The following FNDC3B variants were observed in gnomAD, a reference collection of about 807,000 sequenced individuals.
The protein encoded by FNDC3B is fibronectin type III domain-containing protein 3B.
FNDC3B carries 12 observed loss-of-function variants against 151.5 expected under a neutral mutation model. The observed-to-expected ratio is 0.08, with a 90% confidence interval of 0.05 to 0.13. The LOEUF is 0.13. Ranked by LOEUF, FNDC3B falls within the 10% of genes least tolerant of loss-of-function variation. The probability of loss-of-function intolerance (pLI) is 1.00; values close to 1 mark genes in which losing one functional copy is unlikely to be tolerated. For synonymous variants in FNDC3B, 528 were observed against 549.0 expected, an observed-to-expected ratio of 0.96 and a Z score of 0.54; for missense variants, 1,214 against 1,505.3, an observed-to-expected ratio of 0.81 and a Z score of 3.20.
intron 6 of FNDC3B, among the ~76,000 whole-genome samples, chr3:172,278,701 T>TG (rs1729555105): frequency 6.6e-6 from 1 of 151,982 alleles, no homozygotes; most frequent in Admixed American, 6.6e-5. Flanking sequence ...CCGAGATGGG[T>TG]GGATCACTTG....
intron 2 of FNDC3B, among the ~76,000 whole-genome samples, chr3:172,114,499 C>G (rs1720145303): frequency 1.3e-5 from 2 of 152,168 alleles, no homozygotes; most frequent in Admixed American, 1.3e-4. Flanking sequence ...GTCTGTAATT[C>G]AGCTTGCCCA....
chr3:172,066,414 G>T (rs1400750236), intron 1 of FNDC3B, among the ~76,000 whole-genome samples: 1 of 152,180 alleles, frequency 6.6e-6, no homozygotes, highest in Non-Finnish European at 1.5e-5. Context: ...ACTTTGGGAG[G>T]TAATATCTGC....
chr3:172,228,264 C>T (rs1031498327), intron 4 of FNDC3B, among the ~76,000 whole-genome samples: 5 of 152,190 alleles, frequency 3.3e-5, no homozygotes, highest in African/African-American at 9.7e-5. Flanking sequence ...ACATTCACAT[C>T]AGCCGTCAGT....
chr3:172,324,483 G>A (rs547816297), intron 11 of FNDC3B, among the ~76,000 whole-genome samples: 1 of 152,168 alleles, frequency 6.6e-6, no homozygotes, highest in Non-Finnish European at 1.5e-5. Context: ...TTTGCAATGC[G>A]TCATCCTGCG....
intron 3 of FNDC3B, among the ~76,000 whole-genome samples, chr3:172,215,931 G>A (rs926187309): frequency 1.4e-5 from 2 of 145,222 alleles, no homozygotes; most frequent in South Asian, 2.1e-4. Flanking sequence ...AGTTTGTCTA[G>A]AGGATACCAC....
In FNDC3B at chr3:172,159,369, C is replaced by T. The variant is rs189178571; in HGVS notation, c.187+25823C>T. Among the ~76,000 whole-genome samples the T allele has an allele frequency of 9.1e-4, 138 of 152,318 alleles. 2 individuals carry two copies. The highest frequency in any genetic ancestry group is 3.1e-3 in the African/African-American group (129 of 41,566). The stretch of plus-strand genomic sequence containing the variant: ...GTTGAACTGTGTGATCACTGTATCC[C>T]TCCTCCCACACCACATTGTCTTGAT... On this transcript the variant is annotated intron_variant, in intron 3 of 25. Transcript: ENST00000415807.
chr3:172,040,100 C>A lies in FNDC3B; in HGVS notation c.-29+329C>A, dbSNP rs989420141. Among the ~76,000 whole-genome samples the A allele has an allele frequency of 2.0e-5, 3 of 152,252 alleles. No individual in the cohort carries two copies. The highest frequency in any genetic ancestry group is 6.5e-5 in the Admixed American group (1 of 15,306). ...TTAAAAAAAATTGGGCAGTGGCTCG[C>A]GGCCTCCCCCCACCCCCAGCCTTCC... On this transcript the variant is annotated intron_variant, in intron 1 of 25. Transcript: ENST00000415807. This position sits in a 1 kb window ranked among gnomAD's most constrained non-coding sequence, Gnocchi z 6.6.
At chr3:172,312,184 C>T (rs899606327) in intron 11 of FNDC3B, among the ~76,000 whole-genome samples, 5 of 152,100 alleles carry the variant, frequency 3.3e-5, no homozygotes, top group African/African-American at 7.2e-5. Flanking sequence ...AAGAGAGGTC[C>T]GTCATCACTT....
chr3:172,071,809 AT>A (rs986320630), intron 1 of FNDC3B, among the ~76,000 whole-genome samples: 1 of 152,152 alleles, frequency 6.6e-6, no homozygotes, highest in African/African-American at 2.4e-5. Flanking sequence ...GAAAATTAAC[AT>A]AGCGAGCACT....
At chr3:172,272,575 G>A (rs1030180639) in intron 6 of FNDC3B, among the ~76,000 whole-genome samples, 1 of 152,110 alleles carries the variant, frequency 6.6e-6, no homozygotes, top group Non-Finnish European at 1.5e-5. Flanking sequence ...CTTTTTACAT[G>A]TTTTAGGGAA....
intron 3 of FNDC3B, among the ~76,000 whole-genome samples, chr3:172,218,471 T>C (rs1052423575): frequency 6.6e-6 from 1 of 152,242 alleles, no homozygotes; most frequent in Non-Finnish European, 1.5e-5. Context: ...AAAACTCACT[T>C]GCTCATCTAA....
chr3:172,245,301 C>G (rs1421779943), intron 4 of FNDC3B, among the ~76,000 whole-genome samples: 1 of 152,102 alleles, frequency 6.6e-6, no homozygotes, highest in Non-Finnish European at 1.5e-5. Context: ...TGTTCTTGTT[C>G]TACTTCATCA....
chr3:172,363,491 T>G (rs900658128), intron 23 of FNDC3B, among the ~76,000 whole-genome samples: 1 of 152,110 alleles, frequency 6.6e-6, no homozygotes, highest in Admixed American at 6.5e-5. Context: ...AATAATCCAA[T>G]GTCAAGCAAA....
At chr3:172,041,455 CTT>C (rs1372964286) in intron 1 of FNDC3B, among the ~76,000 whole-genome samples, 4 of 137,042 alleles carry the variant, frequency 2.9e-5, no homozygotes, top group Admixed American at 7.3e-5. Flanking sequence ...CCTTCCTTCT[CTT>C]CTCCTCCTCC....
At chr3:172,133,763 G>A (rs1576895536) in intron 3 of FNDC3B, 25 of 558,044 alleles carry the variant, frequency 4.5e-5, no homozygotes, top group South Asian at 3.6e-4. Context: ...GTATCTGTTG[G>A]TTAGTTATTG....
intron 1 of FNDC3B, among the ~76,000 whole-genome samples, chr3:172,104,483 C>T (rs561561965): frequency 6.6e-6 from 1 of 151,256 alleles, no homozygotes; most frequent in South Asian, 2.1e-4. Flanking sequence ...CTCTCCATAT[C>T]CTTTTTTTGT....
intron 11 of FNDC3B, among the ~76,000 whole-genome samples, chr3:172,321,938 C>T (rs750299801): frequency 7.9e-5 from 12 of 152,148 alleles, no homozygotes; most frequent in Non-Finnish European, 1.8e-4. Flanking sequence ...ATTCCCCCAC[C>T]TTCTAGCTGT....
rs10561622 is a variant in FNDC3B at position 172,149,806 on chromosome 3, G to GTT, written c.187+16289_187+16290dup. ...TGTGTATACCTTTTGTATGTTGGGT[G>GTT]TTTTTTTTTTTTTTTTTTTTTTTTT... On this transcript the variant is annotated intron_variant, in intron 3 of 25. Coordinates refer to ENST00000415807, the MANE Select transcript of FNDC3B (RefSeq NM_022763.4). Among the ~76,000 whole-genome samples, 71 of 52,494 alleles carry GTT rather than the reference G, an allele frequency of 1.4e-3. 12 individuals carry two copies. Among genetic ancestry groups the GTT allele is most frequent in the African/African-American group, 3.4e-3 (43 of 12,766 alleles). 34.4% of individuals were successfully genotyped at this position (52,494 alleles called of 152,430 possible). A position where few individuals can be genotyped will look rare whatever the true frequency, so the allele number is the denominator to read the frequency against.
At chr3:172,347,094 G>A in intron 20 of FNDC3B, 118 bp from the exon 21 acceptor site, 1 of 855,770 alleles carries the variant, frequency 1.2e-6, no homozygotes, top group Non-Finnish European at 1.8e-6. Flanking sequence ...TCTTTTATAT[G>A]TATTTGAAAT....
Sources: gnomAD v4.1 joint callset for allele counts (sites outside exome capture counted in the v4.1 genomes callset) on GRCh38, gnomAD v4.1.1 for gene constraint, Gnocchi (gnomAD v3.1) non-coding constraint, MANE v1.5 for transcripts, NCBI Gene and HGNC (gene_info 2026-07-23, HGNC 2026-07-21) for gene names.